DGKD: variants seen among roughly 807,000 people sequenced by gnomAD.
DGKD encodes the protein DAG kinase delta.
DGKD carries 68 observed loss-of-function variants against 154.4 expected under a neutral mutation model. The observed-to-expected ratio is 0.44, with a 90% CI of 0.36 to 0.54. The LOEUF (loss-of-function observed/expected upper bound fraction) is 0.54. Ranked by LOEUF, DGKD falls within the 20% of genes least tolerant of loss-of-function variation. DGKD has a pLI of 0.00. For missense variants in DGKD, 1,343 were observed against 1,593.6 expected (o/e 0.84, Z 2.68); for synonymous variants, 693 against 638.0 (o/e 1.09, Z -1.30).
At chr2:233,463,246 C>T (rs532528754) in intron 26 of DGKD, among the ~76,000 whole-genome samples, 3 of 152,262 alleles carry the variant, frequency 2.0e-5, no homozygotes, top group East Asian at 1.9e-4. Context: ...CAGCCCTCCA[C>T]TCCGCACGCC....
chr2:233,453,973 G>C (rs1575155258), intron 18 of DGKD, among the ~76,000 whole-genome samples: 1 of 152,218 alleles, frequency 6.6e-6, no homozygotes, highest in African/African-American at 2.4e-5. Context: ...GAAATGTTTT[G>C]AGATCCAGAG....
At chr2:233,431,869 A>G (rs2062523589) in intron 3 of DGKD, among the ~76,000 whole-genome samples, 1 of 152,260 alleles carries the variant, frequency 6.6e-6, no homozygotes, top group Admixed American at 6.5e-5. Flanking sequence ...AAACTGTGAA[A>G]ACACTGGGGA....
chr2:233,432,945 A>C (rs752533723), intron 3 of DGKD, among the ~76,000 whole-genome samples: 1 of 152,240 alleles, frequency 6.6e-6, no homozygotes. Context: ...AGGCAATAAC[A>C]AATGCTGGCG....
At chr2:233,424,824 C>T (rs1468331423) in intron 3 of DGKD, among the ~76,000 whole-genome samples, 1 of 152,218 alleles carries the variant, frequency 6.6e-6, no homozygotes, top group East Asian at 1.9e-4. Flanking sequence ...CTTCTTTGTG[C>T]CTCGCCCATA....
intron 1 of DGKD, among the ~76,000 whole-genome samples, chr2:233,381,508 G>T (rs1470515393): frequency 6.6e-6 from 1 of 152,292 alleles, no homozygotes; most frequent in African/African-American, 2.4e-5. Context: ...CCTCAGTTTC[G>T]TAATGTGTAA....
intron 1 of DGKD, among the ~76,000 whole-genome samples, chr2:233,378,119 T>C (rs975163408): frequency 6.8e-6 from 1 of 147,106 alleles, no homozygotes; most frequent in Admixed American, 6.6e-5. Flanking sequence ...TTTTTTTTTT[T>C]TTCTAAATTT....
chr2:233,451,632 G>A (rs2063298641), intron 17 of DGKD, among the ~76,000 whole-genome samples: 1 of 150,942 alleles, frequency 6.6e-6, no homozygotes, highest in African/African-American at 2.4e-5. Flanking sequence ...CAGTGATGTG[G>A]TCATGGCACA....
intron 18 of DGKD, 90 bp from the exon 19 acceptor site, chr2:233,454,673 C>T: frequency 2.7e-6 from 2 of 749,162 alleles, no homozygotes; most frequent in South Asian, 3.5e-5. Context: ...ACCAGTTTTC[C>T]CCAAGGAAGA....
chr2:233,386,966 TGTCCGGGTGTGGTCCTGGTGTCC>T (rs1703219197), intron 1 of DGKD, among the ~76,000 whole-genome samples: 1 of 152,228 alleles, frequency 6.6e-6, no homozygotes, highest in Admixed American at 6.5e-5. Flanking sequence ...TGGCCTGTGC[TGTCCGGGTGTGGTCCTGGTGTCC>T]GTCCACATGT....
In DGKD at chr2:233,471,230, G is replaced by A. The variant is rs1575191086; in HGVS notation, c.*1770G>A. 6.6e-6 allele frequency: 1 copy of A among 152,426 alleles called. No individual in the cohort carries two copies. The highest frequency in any genetic ancestry group is 1.5e-5 in the Non-Finnish European group (1 of 68,066). 9.4% of individuals were successfully genotyped at this position (152,426 alleles called of 1,614,324 possible). On this transcript the variant is annotated 3_prime_UTR_variant, in exon 30 of 30. Coordinates refer to ENST00000264057, the MANE Select transcript of DGKD (RefSeq NM_152879.3). Reference sequence around the variant, plus strand: ...GACGTGTTGGGATTTTTGGATGAAAGACTCTCCCACGCTCTGTTGGTGGAC... The same window carrying A: ...GACGTGTTGGGATTTTTGGATGAAAAACTCTCCCACGCTCTGTTGGTGGAC...
At chr2:233,375,849 C>G (rs929688316) in intron 1 of DGKD, among the ~76,000 whole-genome samples, 2 of 152,166 alleles carry the variant, frequency 1.3e-5, no homozygotes, top group African/African-American at 4.8e-5. Context: ...CTACTTTTCT[C>G]CTGAGCATTT....
intron 1 of DGKD, among the ~76,000 whole-genome samples, chr2:233,383,638 G>A (rs1481665121): frequency 6.6e-6 from 1 of 152,202 alleles, no homozygotes; most frequent in African/African-American, 2.4e-5. Flanking sequence ...GAGTCTGCCA[G>A]GAGCTCACGC....
chr2:233,389,042 C>G (rs532795693), intron 2 of DGKD: 52 of 152,430 alleles, frequency 3.4e-4, no homozygotes, highest in African/African-American at 1.2e-3. Context: ...CCACCGTGCC[C>G]GGCCTAGAGA....
In DGKD at chr2:233,385,983, TTGTGCG is replaced by T. The variant is rs1218982782; in HGVS notation, c.157-2263_157-2258del. 11 of 470,620 alleles carry T rather than the reference TTGTGCG, an allele frequency of 2.3e-5. No individual in the cohort carries two copies. In the East Asian group the frequency reaches 2.8e-4, roughly 12 times the overall value. The allele number at this position is 470,620 out of a possible 1,614,324, so 29.2% of individuals were successfully genotyped here. The stretch of plus-strand genomic sequence containing the variant: ...AGACTCTCATCCGCCCTCAGAAAGA[TTGTGCG>T]TGTGCGTGTGTGTGCGTGTGTGTAA... On this transcript the variant is annotated intron_variant, in intron 1 of 29. Coordinates refer to ENST00000264057, the MANE Select transcript of DGKD (RefSeq NM_152879.3).
In DGKD at chr2:233,441,176, G is replaced by C. The variant is rs551001287; in HGVS notation, c.1086-711G>C. On this transcript the variant is annotated intron_variant, in intron 9 of 29. Transcript: ENST00000264057. The surrounding 1 kb of genome is among the most constrained non-coding windows in gnomAD (Gnocchi z 5.6). ...AAGAGGATGAGGAGTGAGCAGAAGC[G>C]GCACTGGTCTCCTGAGTGGGGACGC... Among the ~76,000 whole-genome samples, 1 of 152,288 alleles carries C rather than the reference G, an allele frequency of 6.6e-6. No homozygotes were observed. Among genetic ancestry groups the C allele is most frequent in the South Asian group, 2.1e-4 (1 of 4,820 alleles).
intron 1 of DGKD, among the ~76,000 whole-genome samples, chr2:233,358,478 T>C (rs561598138): frequency 5.9e-5 from 9 of 152,314 alleles, no homozygotes; most frequent in Admixed American, 5.9e-4. Context: ...ATAATTCACA[T>C]GGGATACAGT....
intron 3 of DGKD, among the ~76,000 whole-genome samples, chr2:233,431,131 G>T (rs545142249): frequency 6.6e-6 from 1 of 152,214 alleles, no homozygotes; most frequent in East Asian, 1.9e-4. Flanking sequence ...CAGTAGAGTT[G>T]CAGGATCCAA....
chr2:233,466,901 C>G (rs769466608), intron 27 of DGKD, among the ~76,000 whole-genome samples, 185 bp from the exon 28 acceptor site: 10 of 152,210 alleles, frequency 6.6e-5, no homozygotes, highest in Non-Finnish European at 1.5e-4. Context: ...CACTTTAACA[C>G]TCACTAAAAT....
chr2:233,434,336 T>C, intron 3 of DGKD, 44 bp from the exon 4 acceptor site: 1 of 1,505,678 alleles, frequency 6.6e-7, no homozygotes, highest in Non-Finnish European at 9.2e-7. Flanking sequence ...CTATCAGCAC[T>C]TGCCTTTTGT....
Sources: gnomAD v4.1 joint callset for allele counts (sites outside exome capture counted in the v4.1 genomes callset) on GRCh38, gnomAD v4.1.1 for gene constraint, Gnocchi (gnomAD v3.1) non-coding constraint, MANE v1.5 for transcripts, NCBI Gene and HGNC (gene_info 2026-07-23, HGNC 2026-07-21) for gene names.